Variants in NRG1 observed in about 807,000 individuals in gnomAD.
NRG1 encodes the protein neuregulin 1, also known as pro-neuregulin-1, membrane-bound isoform.
In NRG1, 18 loss-of-function variants were observed where a neutral mutation model predicts 63.8. The ratio of observed to expected loss-of-function variants is 0.28; its 90% confidence interval spans 0.19 to 0.42. NRG1 has a LOEUF of 0.42. Among genes scored for constraint, NRG1 ranks in the 10% least tolerant of loss-of-function variants. The probability of loss-of-function intolerance (pLI) is 1.00; values close to 1 mark genes in which losing one functional copy is unlikely to be tolerated. For synonymous variants in NRG1, 302 were observed against 301.3 expected (o/e 1.00, Z -0.02); for missense variants, 762 against 814.7 (o/e 0.94, Z 0.79).
At chr8:32,715,670 G>C (rs1397031903) in intron 5 of NRG1, among the ~76,000 whole-genome samples, 5 of 144,640 alleles carry the variant, frequency 3.5e-5, no homozygotes, top group Non-Finnish European at 6.0e-5. Context: ...ACAGAGTCTT[G>C]CTCTGTCGCC....
chr8:32,456,950 GGT>G (rs893835025), intron 1 of NRG1, among the ~76,000 whole-genome samples: 2 of 152,022 alleles, frequency 1.3e-5, no homozygotes, highest in African/African-American at 2.4e-5. Context: ...TGGCCAACAT[GGT>G]GAAACCCCAA....
At chr8:31,679,477 GGAT>G (rs1808093465) in intron 1 of NRG1, among the ~76,000 whole-genome samples, 1 of 152,014 alleles carries the variant, frequency 6.6e-6, no homozygotes, top group South Asian at 2.1e-4. Flanking sequence ...ATTTTCAATT[GGAT>G]GAATAAATAC....
chr8:32,548,990 G>A (rs1474278196), intron 1 of NRG1, among the ~76,000 whole-genome samples, 164 bp downstream of exon 1: 3 of 152,188 alleles, frequency 2.0e-5, no homozygotes, highest in Non-Finnish European at 4.4e-5. Flanking sequence ...CCTCCTGGGG[G>A]CCGCCGCTCA....
At chr8:32,651,077 C>T (rs1855017111) in intron 5 of NRG1, among the ~76,000 whole-genome samples, 1 of 152,168 alleles carries the variant, frequency 6.6e-6, no homozygotes, top group Non-Finnish European at 1.5e-5. Context: ...ACTAGAATTA[C>T]TCCCTCACTG....
intron 11 of NRG1, 131 bp downstream of exon 11, chr8:32,760,537 C>A: frequency 6.8e-7 from 1 of 1,479,174 alleles, no homozygotes. Flanking sequence ...TCTAGGAGTG[C>A]TCCTAGTTGA....
At chr8:32,267,315 G>A (rs184282921) in intron 1 of NRG1, among the ~76,000 whole-genome samples, 2 of 152,176 alleles carry the variant, frequency 1.3e-5, no homozygotes, top group Admixed American at 6.5e-5. Context: ...AATGTAGTGC[G>A]AGCAAGGCCA....
intron 1 of NRG1, among the ~76,000 whole-genome samples, chr8:31,847,467 C>A (rs1408289466): frequency 2.0e-5 from 3 of 152,190 alleles, no homozygotes; most frequent in African/African-American, 7.2e-5. Context: ...ATGAAGCTTA[C>A]AGCCTACAAC....
At chr8:32,720,294 T>C (rs895501623) in intron 5 of NRG1, among the ~76,000 whole-genome samples, 3 of 152,160 alleles carry the variant, frequency 2.0e-5, no homozygotes, top group South Asian at 2.1e-4. Flanking sequence ...CTTGACCTTC[T>C]TCCACCCAAA....
At chr8:32,277,599 T>C (rs538162876) in intron 1 of NRG1, among the ~76,000 whole-genome samples, 5 of 152,356 alleles carry the variant, frequency 3.3e-5, no homozygotes, top group African/African-American at 9.6e-5. Flanking sequence ...TAAATATCTT[T>C]AAATTTCACT....
At chr8:31,648,898 T>G (rs538485021) in intron 1 of NRG1, among the ~76,000 whole-genome samples, 5 of 152,358 alleles carry the variant, frequency 3.3e-5, no homozygotes, top group African/African-American at 9.6e-5. Context: ...TTCAATTTTT[T>G]GGGTATATAC....
intron 1 of NRG1, among the ~76,000 whole-genome samples, chr8:32,012,606 A>T (rs1037878383): frequency 1.3e-5 from 2 of 152,136 alleles, no homozygotes; most frequent in East Asian, 3.9e-4. Flanking sequence ...ACCAGGGTTT[A>T]CATTTTGTCT....
At chr8:32,704,191 T>G (rs1001320399) in intron 5 of NRG1, among the ~76,000 whole-genome samples, 1 of 152,196 alleles carries the variant, frequency 6.6e-6, no homozygotes, top group Non-Finnish European at 1.5e-5. Flanking sequence ...CATCTCCCAA[T>G]GTCCTCTGGG....
intron 1 of NRG1, among the ~76,000 whole-genome samples, chr8:31,818,951 G>A (rs1359540637): frequency 1.3e-5 from 2 of 152,196 alleles, no homozygotes; most frequent in African/African-American, 2.4e-5. Context: ...CTACTCGGGA[G>A]GCTGAGGCGA....
At chr8:32,115,438 T>C (rs1284341827) in intron 1 of NRG1, among the ~76,000 whole-genome samples, 1 of 152,108 alleles carries the variant, frequency 6.6e-6, no homozygotes, top group African/African-American at 2.4e-5. Flanking sequence ...GAAAATAAAA[T>C]GTTATTAAGA....
intron 1 of NRG1, among the ~76,000 whole-genome samples, chr8:32,353,341 T>C (rs1268931980): frequency 6.6e-6 from 1 of 151,152 alleles, no homozygotes; most frequent in Non-Finnish European, 1.5e-5. Flanking sequence ...TTTAAATAAT[T>C]TAAAATCTTA....
At chr8:31,979,963 T>C (rs1808814047) in intron 1 of NRG1, among the ~76,000 whole-genome samples, 1 of 152,080 alleles carries the variant, frequency 6.6e-6, no homozygotes, top group African/African-American at 2.4e-5. Context: ...GTGTGCACTG[T>C]GTGTTACTCA....
chr8:32,345,907 C>G (rs190671258), intron 1 of NRG1, among the ~76,000 whole-genome samples: 107 of 151,958 alleles, frequency 7.0e-4, no homozygotes, highest in African/African-American at 2.5e-3. Context: ...AGTTGAGAGG[C>G]TGAGGCAGGA....
chr8:32,447,160 C>T (rs912590280), intron 1 of NRG1, among the ~76,000 whole-genome samples: 4 of 151,784 alleles, frequency 2.6e-5, no homozygotes, highest in Non-Finnish European at 2.9e-5. Flanking sequence ...GCTGGGATTA[C>T]AGGCGCCCAC....
chr8:32,176,996 A>G (rs1382703193), intron 1 of NRG1, among the ~76,000 whole-genome samples: 3 of 152,230 alleles, frequency 2.0e-5, no homozygotes, highest in African/African-American at 7.2e-5. Context: ...CCAAAGGATT[A>G]TAAATCATGC....
Sources: gnomAD v4.1 joint callset for allele counts (sites outside exome capture counted in the v4.1 genomes callset) on GRCh38, gnomAD v4.1.1 for gene constraint, MANE v1.5 for transcripts, NCBI Gene and HGNC (gene_info 2026-07-23, HGNC 2026-07-21) for gene names.